Variants in DLG2 observed in about 807,000 individuals in gnomAD.
DLG2 encodes discs large MAGUK scaffold protein 2.
DLG2 carries 45 observed loss-of-function variants against 132.5 expected under a neutral mutation model. The observed-to-expected ratio is 0.34, with a 90% CI of 0.27 to 0.44. The LOEUF (loss-of-function observed/expected upper bound fraction) is 0.44. DLG2 is among the 20% of genes least tolerant of loss of function. The pLI is 1.00. For synonymous variants in DLG2, 424 were observed against 419.6 expected (o/e 1.01, Z -0.13); for missense variants, 1,045 against 1,196.9 (o/e 0.87, Z 1.87).
At chr11:85,467,626 A>G (rs1038975180) in intron 3 of DLG2, among the ~76,000 whole-genome samples, 3 of 152,168 alleles carry the variant, frequency 2.0e-5, no homozygotes, top group Non-Finnish European at 4.4e-5. Flanking sequence ...TGATTTGCGT[A>G]TGTTGAACCA....
intron 7 of DLG2, among the ~76,000 whole-genome samples, chr11:84,330,993 C>A (rs2154401143): frequency 6.6e-6 from 1 of 152,280 alleles, no homozygotes; most frequent in East Asian, 1.9e-4. Flanking sequence ...AAGGAAAGGA[C>A]TGATCACGAT....
At chr11:84,726,633 A>G (rs1211771687) in intron 6 of DLG2, among the ~76,000 whole-genome samples, 1 of 152,136 alleles carries the variant, frequency 6.6e-6, no homozygotes, top group Non-Finnish European at 1.5e-5. Flanking sequence ...ACACCCAGTA[A>G]TGAGATTGCT....
chr11:85,287,225 A>T (rs2078615539), intron 3 of DLG2, among the ~76,000 whole-genome samples: 1 of 152,130 alleles, frequency 6.6e-6, no homozygotes. Flanking sequence ...CAATAAAGAA[A>T]GCAAAAAGAC....
intron 15 of DLG2, among the ~76,000 whole-genome samples, chr11:83,877,448 A>T (rs1192725038): frequency 6.6e-6 from 1 of 152,172 alleles, no homozygotes; most frequent in Non-Finnish European, 1.5e-5. Context: ...TAGCTTTCTC[A>T]TCATTAGCTC....
At chr11:85,261,914 G>A (rs1208976831) in intron 4 of DLG2, among the ~76,000 whole-genome samples, 1 of 152,142 alleles carries the variant, frequency 6.6e-6, no homozygotes, top group Non-Finnish European at 1.5e-5. Flanking sequence ...TGAAAGTGAA[G>A]GTGGTTTGTC....
chr11:85,000,436 T>C (rs1396121313), intron 6 of DLG2, among the ~76,000 whole-genome samples: 1 of 152,184 alleles, frequency 6.6e-6, no homozygotes, highest in African/African-American at 2.4e-5. Context: ...AATCCTAGCC[T>C]TCCAATTTGG....
At chr11:84,381,392 T>C (rs942683781) in intron 7 of DLG2, among the ~76,000 whole-genome samples, 4 of 152,080 alleles carry the variant, frequency 2.6e-5, no homozygotes, top group Admixed American at 2.6e-4. Flanking sequence ...ATAATGTCAA[T>C]ACTAAAATTA....
chr11:85,020,833 T>C, intron 6 of DLG2: 1 of 744,774 alleles, frequency 1.3e-6, no homozygotes, highest in East Asian at 2.5e-5. Flanking sequence ...CAGCTCCAGC[T>C]GGCCATCCCC....
chr11:84,627,337 G>A (rs1009036747), intron 6 of DLG2, among the ~76,000 whole-genome samples: 5 of 152,090 alleles, frequency 3.3e-5, no homozygotes, highest in African/African-American at 4.8e-5. Flanking sequence ...TAAATTGAAC[G>A]TAAGGTTTCT....
intron 4 of DLG2, among the ~76,000 whole-genome samples, chr11:85,255,062 T>C (rs925209064): frequency 2.6e-5 from 4 of 152,132 alleles, no homozygotes; most frequent in South Asian, 2.1e-4. Flanking sequence ...AATAATTTTA[T>C]AAAATTGAAT....
At chr11:85,220,270 G>C (rs755823864) in intron 4 of DLG2, among the ~76,000 whole-genome samples, 2 of 152,062 alleles carry the variant, frequency 1.3e-5, no homozygotes, top group African/African-American at 4.8e-5. Context: ...ACTGTTTAAC[G>C]TGGTGACTAA....
rs941470366 is a variant in DLG2 at position 85,073,785 on chromosome 11, G to A, written c.357+37876C>T. On this transcript the variant is annotated intron_variant, in intron 6 of 27. Transcript: ENST00000376104. ...AAAGGAATATAAATAATTATACCAC[G>A]AAGATACATGCATGAATATGTTTAC... Among the ~76,000 whole-genome samples, 14 of 151,834 alleles carry A rather than the reference G, an allele frequency of 9.2e-5. 1 individual carries two copies. The highest frequency in any genetic ancestry group is 4.1e-4 in the South Asian group (2 of 4,824).
intron 6 of DLG2, chr11:85,021,605 G>C: frequency 7.1e-7 from 1 of 1,399,338 alleles, no homozygotes; most frequent in South Asian, 1.2e-5. Flanking sequence ...GTGAACACAC[G>C]GGAGTTCATG....
At chr11:85,310,932 C>T (rs1044254132) in intron 3 of DLG2, among the ~76,000 whole-genome samples, 10 of 152,128 alleles carry the variant, frequency 6.6e-5, no homozygotes, top group African/African-American at 2.4e-4. Flanking sequence ...AACACAGATG[C>T]TTAATCTTGA....
intron 3 of DLG2, among the ~76,000 whole-genome samples, chr11:85,537,512 G>GCATAA (rs2075675317): frequency 2.6e-5 from 4 of 150,974 alleles, no homozygotes; most frequent in African/African-American, 9.8e-5. Flanking sequence ...CAGGAGGGAT[G>GCATAA]AACAACTCCA....
intron 3 of DLG2, among the ~76,000 whole-genome samples, chr11:85,498,373 G>A (rs904226399): frequency 6.6e-6 from 1 of 152,168 alleles, no homozygotes; most frequent in Non-Finnish European, 1.5e-5. Context: ...TCAACAAGAA[G>A]AGCTAACTAT....
At chr11:83,634,841 A>G (rs540546536) in intron 18 of DLG2, among the ~76,000 whole-genome samples, 107 of 152,310 alleles carry the variant, frequency 7.0e-4, no homozygotes, top group Non-Finnish European at 7.1e-4. Context: ...AGTTTAGTAC[A>G]CAACAGATAA....
intron 5 of DLG2, among the ~76,000 whole-genome samples, chr11:85,132,345 T>C (rs1027011356): frequency 1.3e-5 from 2 of 152,164 alleles, no homozygotes; most frequent in Non-Finnish European, 2.9e-5. Context: ...GTAAAGCTGA[T>C]TGGCTTCTTC....
At position 84,408,291 on chromosome 11, in the gene DLG2, A is replaced by C. The variant is rs190300721; in HGVS notation, c.519+126279T>G. On this transcript the variant is annotated intron_variant, in intron 7 of 27. Coordinates refer to ENST00000376104, the MANE Select transcript of DLG2 (RefSeq NM_001142699.3). ...TCTGTGGCCAAGAAGAAGAAATGAAATATATGCCCAATATTTTTGTCTAGT... is the reference window on the plus strand; with the variant it reads ...TCTGTGGCCAAGAAGAAGAAATGAACTATATGCCCAATATTTTTGTCTAGT... 1.2e-4 allele frequency among the ~76,000 whole-genome samples: 18 copies of C among 152,156 alleles called. No individual in the cohort carries two copies. In the East Asian group the frequency reaches 3.3e-3, roughly 28 times the overall value.
Sources: allele counts gnomAD v4.1 joint callset (sites outside exome capture counted in the v4.1 genomes callset), GRCh38; gene constraint gnomAD v4.1.1; transcripts MANE v1.5; gene names NCBI Gene and HGNC (gene_info 2026-07-23, HGNC 2026-07-21).